Variants in FAM107B observed in about 807,000 individuals in gnomAD.
FAM107B encodes protein FAM107B.
In FAM107B, 21 loss-of-function variants were observed where a neutral mutation model predicts 31.5. The ratio of observed to expected loss-of-function variants is 0.67; its 90% CI spans 0.47 to 0.96. The LOEUF is 0.96. Among genes scored for constraint, FAM107B ranks in the 40% least tolerant of loss-of-function variants. The pLI is 0.00. For missense variants in FAM107B, 452 were observed against 377.1 expected (o/e 1.20, Z -1.64); for synonymous variants, 157 against 141.5 (o/e 1.11, Z -0.78).
At chr10:14,660,684 G>T (rs973981001) in intron 2 of FAM107B, among the ~76,000 whole-genome samples, 2 of 152,176 alleles carry the variant, frequency 1.3e-5, no homozygotes, top group Non-Finnish European at 1.5e-5. Flanking sequence ...TTTGTATATT[G>T]CATGTGGTAT....
rs17155865 is a variant in FAM107B at position 14,751,443 on chromosome 10, G to A, written c.411+22810C>T. On this transcript the variant is annotated intron_variant, in intron 1 of 4. Coordinates refer to ENST00000181796, the MANE Select transcript of FAM107B (RefSeq NM_031453.4). Reference sequence around the variant, plus strand: ...GGGAGTCTGAAAACCTAGGCTGTTCGAAGCACTGGGCAGAGCTCCCAGGGA... The same window carrying A: ...GGGAGTCTGAAAACCTAGGCTGTTCAAAGCACTGGGCAGAGCTCCCAGGGA... Among the ~76,000 whole-genome samples, 1,296 of 152,118 alleles carry A rather than the reference G, an allele frequency of 8.5e-3. 79 individuals are homozygous for A. The East Asian group carries it at 0.16, about 19-fold the overall frequency.
intron 1 of FAM107B, among the ~76,000 whole-genome samples, chr10:14,754,582 A>T (rs12243821): frequency 0.046 from 6,966 of 152,250 alleles, 406 homozygotes; most frequent in East Asian, 0.16. Flanking sequence ...GTGGCCAGCA[A>T]GAGGGGAGTC....
chr10:14,623,403 G>A (rs982690274), intron 2 of FAM107B, among the ~76,000 whole-genome samples: 11 of 152,196 alleles, frequency 7.2e-5, no homozygotes, highest in African/African-American at 2.7e-4. Flanking sequence ...TAAAGATCTG[G>A]TAAAACATCT....
chr10:14,534,114 G>A (rs1483230964), intron 2 of FAM107B, among the ~76,000 whole-genome samples: 1 of 152,106 alleles, frequency 6.6e-6, no homozygotes, highest in African/African-American at 2.4e-5. Context: ...TTCACAACTG[G>A]AGCTGGAAAA....
intron 1 of FAM107B, among the ~76,000 whole-genome samples, chr10:14,749,176 T>C (rs1245464275): frequency 6.6e-6 from 1 of 152,126 alleles, no homozygotes; most frequent in East Asian, 1.9e-4. Flanking sequence ...AGGGATGAAT[T>C]GCCAAGGTGG....
chr10:14,581,537 A>G (rs1425742022), intron 2 of FAM107B, among the ~76,000 whole-genome samples: 1 of 152,226 alleles, frequency 6.6e-6, no homozygotes, highest in East Asian at 1.9e-4. Context: ...TCCAGCCATC[A>G]GGATGTTCCC....
chr10:14,766,390 G>A (rs1304516991), intron 1 of FAM107B, among the ~76,000 whole-genome samples: 1 of 152,196 alleles, frequency 6.6e-6, no homozygotes, highest in Non-Finnish European at 1.5e-5. Flanking sequence ...CTGACCTGTT[G>A]ACCTGAGTTT....
At chr10:14,585,757 G>A (rs1458170488) in intron 2 of FAM107B, among the ~76,000 whole-genome samples, 1 of 152,224 alleles carries the variant, frequency 6.6e-6, no homozygotes, top group Non-Finnish European at 1.5e-5. Flanking sequence ...AGAACCTTGT[G>A]TGGTCAAATC....
At chr10:14,729,662 A>G (rs1345996930) in intron 1 of FAM107B, among the ~76,000 whole-genome samples, 2 of 152,166 alleles carry the variant, frequency 1.3e-5, no homozygotes, top group African/African-American at 4.8e-5. Flanking sequence ...TGGAAATACC[A>G]TTTCACCCAG....
chr10:14,603,976 T>C (rs1002887253), intron 2 of FAM107B, among the ~76,000 whole-genome samples: 2 of 147,658 alleles, frequency 1.4e-5, no homozygotes, highest in Non-Finnish European at 3.0e-5. Flanking sequence ...GCTGGGCCCC[T>C]TCCCCGCAGC....
At chr10:14,735,090 C>T (rs971990177) in intron 1 of FAM107B, among the ~76,000 whole-genome samples, 14 of 152,158 alleles carry the variant, frequency 9.2e-5, no homozygotes, top group African/African-American at 2.2e-4. Context: ...GGTCATAATT[C>T]GGTGTCCATT....
In FAM107B at chr10:14,731,289, T is replaced by C. The variant is rs191753098; in HGVS notation, c.411+42964A>G. On this transcript the variant is annotated intron_variant, in intron 1 of 4. Coordinates refer to ENST00000181796, the MANE Select transcript of FAM107B (RefSeq NM_031453.4). ...AAATCAATGACTTCAAGGCCAGGTGTGGTGGCTCACGCCTGTAATCCCAGC... is the reference window on the plus strand; with the variant it reads ...AAATCAATGACTTCAAGGCCAGGTGCGGTGGCTCACGCCTGTAATCCCAGC... Among the ~76,000 whole-genome samples, 326 of 152,218 alleles carry C rather than the reference T, an allele frequency of 2.1e-3. 1 individual carries two copies. Among genetic ancestry groups the C allele is most frequent in the South Asian group, 0.015 (70 of 4,818 alleles).
chr10:14,637,848 C>T (rs1434562726), intron 2 of FAM107B, among the ~76,000 whole-genome samples: 3 of 152,120 alleles, frequency 2.0e-5, no homozygotes, highest in African/African-American at 7.2e-5. Context: ...TTCAATCTTA[C>T]CTACACCTGC....
chr10:14,650,580 C>T (rs1445628588), intron 2 of FAM107B, among the ~76,000 whole-genome samples: 2 of 152,216 alleles, frequency 1.3e-5, no homozygotes, highest in East Asian at 3.9e-4. Flanking sequence ...GCCACCGCGC[C>T]CGGCCTCTCG....
chr10:14,696,920 G>C (rs1855279935), intron 1 of FAM107B, among the ~76,000 whole-genome samples: 1 of 152,116 alleles, frequency 6.6e-6, no homozygotes, highest in African/African-American at 2.4e-5. Context: ...AGTGTCAAAG[G>C]TCTGCTCCTC....
intron 2 of FAM107B, among the ~76,000 whole-genome samples, chr10:14,564,299 G>C (rs1850482913): frequency 6.6e-6 from 1 of 152,094 alleles, no homozygotes; most frequent in Admixed American, 6.5e-5. Context: ...ACGTTGAGCA[G>C]ATCAGCGGCA....
intron 2 of FAM107B, among the ~76,000 whole-genome samples, chr10:14,565,794 G>A (rs1356915797): frequency 6.6e-6 from 1 of 152,200 alleles, no homozygotes; most frequent in Non-Finnish European, 1.5e-5. Context: ...GGCTGAAGGG[G>A]ATAATCGAGC....
intron 1 of FAM107B, among the ~76,000 whole-genome samples, chr10:14,765,360 G>A (rs1833141778): frequency 1.3e-5 from 2 of 152,318 alleles, no homozygotes; most frequent in Non-Finnish European, 2.9e-5. Flanking sequence ...TCTGCACCAT[G>A]TAAATTTTCA....
At chr10:14,752,204 CAGCCTGGAAAGTGA>C (rs1832843274) in intron 1 of FAM107B, among the ~76,000 whole-genome samples, 4 of 152,160 alleles carry the variant, frequency 2.6e-5, no homozygotes, top group Non-Finnish European at 5.9e-5. Flanking sequence ...TGTTTGTGCT[CAGCCTGGAAAGTGA>C]AGCCTGGAAA....
Sources: allele counts gnomAD v4.1 joint callset (sites outside exome capture counted in the v4.1 genomes callset), GRCh38; gene constraint gnomAD v4.1.1; transcripts MANE v1.5; gene names NCBI Gene and HGNC (gene_info 2026-07-23, HGNC 2026-07-21).